SOX6: variants seen among roughly 807,000 people sequenced by gnomAD.
SOX6 encodes SRY-box transcription factor 6.
In SOX6, 11 loss-of-function variants were observed where a neutral mutation model predicts 97.8. The observed-to-expected ratio is 0.11, with a 90% confidence interval of 0.07 to 0.19. The LOEUF is 0.19. Among genes scored for constraint, SOX6 ranks in the 10% least tolerant of loss-of-function variants. The probability of loss-of-function intolerance (pLI) is 1.00; values close to 1 mark genes in which losing one functional copy is unlikely to be tolerated. For missense variants in SOX6, 810 were observed against 1,039.5 expected (o/e 0.78, Z 3.04); for synonymous variants, 360 against 371.4 (o/e 0.97, Z 0.35).
chr11:16,453,404 A>G (rs560114894), intron 1 of SOX6, among the ~76,000 whole-genome samples: 2 of 152,188 alleles, frequency 1.3e-5, no homozygotes, highest in East Asian at 3.9e-4. Context: ...CCTCAAATCT[A>G]TGCCCTCTTC....
intron 7 of SOX6, among the ~76,000 whole-genome samples, chr11:16,099,325 G>A (rs970702103): frequency 6.6e-6 from 1 of 151,590 alleles, no homozygotes; most frequent in Admixed American, 6.6e-5. Flanking sequence ...TGATCTTCTT[G>A]ATATTTAAAC....
intron 3 of SOX6, among the ~76,000 whole-genome samples, chr11:16,697,954 T>C (rs1383229928): frequency 6.6e-6 from 1 of 152,220 alleles, no homozygotes; most frequent in Non-Finnish European, 1.5e-5. Context: ...TCATTTCATT[T>C]ATAGAGCAAA....
chr11:16,562,905 T>C (rs866355376), intron 4 of SOX6, among the ~76,000 whole-genome samples: 10 of 152,256 alleles, frequency 6.6e-5, no homozygotes, highest in Middle Eastern at 6.8e-3. Flanking sequence ...CATATCCATC[T>C]AGCAGTAACA....
intron 13 of SOX6, among the ~76,000 whole-genome samples, chr11:16,004,792 C>T (rs960053045): frequency 6.6e-6 from 1 of 152,032 alleles, no homozygotes; most frequent in South Asian, 2.1e-4. Flanking sequence ...CAGTATGGCT[C>T]AGATGCCATA....
intron 12 of SOX6, among the ~76,000 whole-genome samples, chr11:16,039,599 A>G (rs540998571): frequency 1.7e-4 from 26 of 152,196 alleles, no homozygotes; most frequent in African/African-American, 5.8e-4. Flanking sequence ...CAATGATACA[A>G]TTTGGATGCA....
At chr11:16,308,386 C>G (rs1448088664) in intron 3 of SOX6, among the ~76,000 whole-genome samples, 1 of 152,078 alleles carries the variant, frequency 6.6e-6, no homozygotes, top group African/African-American at 2.4e-5. Flanking sequence ...CTTATCTAGA[C>G]CAACATCCTC....
intron 1 of SOX6, among the ~76,000 whole-genome samples, chr11:16,421,158 T>C (rs1288597382): frequency 6.6e-6 from 1 of 152,142 alleles, no homozygotes; most frequent in Admixed American, 6.6e-5. Context: ...ATGAAGACAA[T>C]TGTACATATT....
In SOX6 at chr11:16,173,946, A is replaced by G. The variant is rs555548424; in HGVS notation, c.777+9940T>C. On this transcript the variant is annotated intron_variant, in intron 6 of 15. Coordinates refer to ENST00000683767, the MANE Select transcript of SOX6 (RefSeq NM_001367873.1). Reference sequence around the variant, plus strand: ...ATGCAGCCTAAAACTCCTGTGCTCAAGAGATCCCCCTACCTCAGCCTCCCA... The same window carrying G: ...ATGCAGCCTAAAACTCCTGTGCTCAGGAGATCCCCCTACCTCAGCCTCCCA... Among the ~76,000 whole-genome samples the G allele has an allele frequency of 2.0e-5, 3 of 151,662 alleles. No homozygotes were observed. In the South Asian group the frequency reaches 6.2e-4, roughly 32 times the overall value.
At chr11:16,261,032 T>C (rs1853875116) in intron 3 of SOX6, among the ~76,000 whole-genome samples, 2 of 152,204 alleles carry the variant, frequency 1.3e-5, no homozygotes, top group African/African-American at 4.8e-5. Context: ...CTAACTCCTA[T>C]TCATTCAGTT....
At position 16,552,582 on chromosome 11, in the gene SOX6, T is replaced by A. The variant is rs1354405684; in HGVS notation, n.609+59499A>T. Among the ~76,000 whole-genome samples, 5 of 152,212 alleles carry A rather than the reference T, an allele frequency of 3.3e-5. No individual in the cohort carries two copies. The East Asian group carries it at 7.7e-4, about 23-fold the overall frequency. On this transcript the variant is annotated intron_variant and non_coding_transcript_variant, in intron 4 of 5. Transcript: ENST00000524520. ...GAGCCTTCCACAAATGAAAGCAATT[T>A]TTCTAAACAGTAGTAACAAGATATT... is the stretch of plus-strand genomic sequence containing the variant.
intron 1 of SOX6, among the ~76,000 whole-genome samples, chr11:16,345,032 A>C (rs1856738924): frequency 6.6e-6 from 1 of 151,994 alleles, no homozygotes; most frequent in African/African-American, 2.4e-5. Context: ...AAATGCAATC[A>C]AATGCGCCCA....
intron 11 of SOX6, among the ~76,000 whole-genome samples, chr11:16,047,811 G>A (rs979290766): frequency 1.3e-5 from 2 of 151,922 alleles, no homozygotes; most frequent in African/African-American, 4.8e-5. Context: ...GATGTCTGAT[G>A]TGTACAATGC....
At chr11:16,642,535 G>A (rs147724296) in intron 3 of SOX6, among the ~76,000 whole-genome samples, 2,893 of 152,176 alleles carry the variant, frequency 0.019, 78 homozygotes, top group African/African-American at 0.066. Context: ...CATTCTCCCC[G>A]TCACTTTCAG....
chr11:16,078,707 G>A (rs1488607439), intron 9 of SOX6, among the ~76,000 whole-genome samples: 1 of 152,062 alleles, frequency 6.6e-6, no homozygotes, highest in Non-Finnish European at 1.5e-5. Flanking sequence ...AAAGTGATCA[G>A]GTATATGAGT....
chr11:16,642,475 T>C lies in SOX6; in HGVS notation n.430-30215A>G, dbSNP rs553029447. ...TTGAATGTTGGCCTGCCTTGCTAGA[T>C]TGGAGACGTTCTCGTGGATAATATC... On this transcript the variant is annotated intron_variant and non_coding_transcript_variant, in intron 3 of 5. Coordinates refer to the SOX6 transcript ENST00000524520. Among the ~76,000 whole-genome samples the C allele has an allele frequency of 5.3e-5, 8 of 152,346 alleles. No individual in the cohort carries two copies. In the East Asian group the frequency reaches 1.5e-3, roughly 29 times the overall value.
At chr11:16,711,433 G>A (rs866598341) in intron 3 of SOX6, among the ~76,000 whole-genome samples, 1 of 152,044 alleles carries the variant, frequency 6.6e-6, no homozygotes, top group East Asian at 1.9e-4. Flanking sequence ...GGAGATGGGA[G>A]GATCACTTGA....
intron 2 of SOX6, among the ~76,000 whole-genome samples, chr11:16,324,880 TGAATA>T (rs1222246601): frequency 1.3e-5 from 2 of 151,968 alleles, no homozygotes; most frequent in Non-Finnish European, 2.9e-5. Flanking sequence ...TGAGAAGTAG[TGAATA>T]GAACAGTAGT....
At chr11:16,625,445 G>A (rs1376979312) in intron 3 of SOX6, among the ~76,000 whole-genome samples, 1 of 152,158 alleles carries the variant, frequency 6.6e-6, no homozygotes, top group African/African-American at 2.4e-5. Context: ...AGGAGTGCTA[G>A]GAGCATCTTT....
chr11:16,283,403 T>C (rs1333270543), intron 3 of SOX6, among the ~76,000 whole-genome samples: 1 of 151,550 alleles, frequency 6.6e-6, no homozygotes, highest in Non-Finnish European at 1.5e-5. Flanking sequence ...AAGTAGATGA[T>C]TTTATGTTGT....
Sources: gnomAD v4.1 joint callset for allele counts (sites outside exome capture counted in the v4.1 genomes callset) on GRCh38, gnomAD v4.1.1 for gene constraint, MANE v1.5 for transcripts, NCBI Gene and HGNC (gene_info 2026-07-23, HGNC 2026-07-21) for gene names.